The following ZMYND15 variants were observed in gnomAD, a reference collection of about 807,000 sequenced individuals.
The protein encoded by ZMYND15 is zinc finger MYND-type containing 15.
Under a neutral mutation model 81.7 loss-of-function variants are expected in ZMYND15, and 54 were observed. That is an observed-to-expected ratio of 0.66 (90% CI 0.53 to 0.83). The LOEUF is 0.83. Ranked by LOEUF, ZMYND15 falls within the 40% of genes least tolerant of loss-of-function variation. The pLI is 0.00. For synonymous variants in ZMYND15, 399 were observed against 387.0 expected (o/e 1.03, Z -0.36); for missense variants, 925 against 973.5 (o/e 0.95, Z 0.66).
At position 4,745,735 on chromosome 17, in the gene ZMYND15, G is replaced by GCCCCTGGGAGCCCCGA. The variant is rs533684807; in HGVS notation, c.2058-72_2058-57dup. 0.26 allele frequency: 202,181 copies of GCCCCTGGGAGCCCCGA among 771,062 alleles called. 30,706 individuals carry two copies. The highest frequency in any genetic ancestry group is 0.32 in the South Asian group (15,187 of 46,926). The allele number at this position is 771,062 out of a possible 1,614,324, so 47.8% of individuals were successfully genotyped here. On this transcript the variant is annotated intron_variant, in intron 13 of 13. Coordinates refer to ENST00000433935, the MANE Select transcript of ZMYND15 (RefSeq NM_001136046.3). This position sits in a 1 kb window ranked among gnomAD's most constrained non-coding sequence, Gnocchi z 5.2. ...GCCCCGCCCCCTGGTCCCTGACCGC[G>GCCCCTGGGAGCCCCGA]CCCCTGGGAGCCCCGACCCCTGGGA...
In ZMYND15 at chr17:4,743,153, C is replaced by A. The variant is rs1198443877; in HGVS notation, c.1145-150C>A. 1.4e-5 allele frequency: 12 copies of A among 870,790 alleles called. No individual in the cohort carries two copies. The highest frequency in any genetic ancestry group is 1.9e-5 in the Non-Finnish European group (11 of 577,736). The allele number at this position is 870,790 out of a possible 1,614,324, so 53.9% of individuals were successfully genotyped here. A position where few individuals can be genotyped will look rare whatever the true frequency, so the allele number is the denominator to read the frequency against. Reference sequence around the variant, plus strand: ...TCTCGGGAGACTGAGGTGGGAGAATCGTTTGAGTCCAAGAGGTCGAGGCTG... The same window carrying A: ...TCTCGGGAGACTGAGGTGGGAGAATAGTTTGAGTCCAAGAGGTCGAGGCTG... On this transcript the variant is annotated intron_variant, in intron 5 of 13. Coordinates refer to ENST00000433935, the MANE Select transcript of ZMYND15 (RefSeq NM_001136046.3). This position sits in a 1 kb window ranked among gnomAD's most constrained non-coding sequence, Gnocchi z 4.3.
Sources: allele counts gnomAD v4.1 joint callset, GRCh38; gene constraint gnomAD v4.1.1; non-coding constraint Gnocchi (gnomAD v3.1); transcripts MANE v1.5; gene names NCBI Gene and HGNC (gene_info 2026-07-23, HGNC 2026-07-21).